Variants in USP31 observed in about 807,000 individuals in gnomAD.
The protein encoded by USP31 is ubiquitin specific peptidase 31.
Under a neutral mutation model 119.4 loss-of-function variants are expected in USP31, and 44 were observed. The ratio of observed to expected loss-of-function variants is 0.37; its 90% CI spans 0.29 to 0.47. The LOEUF (loss-of-function observed/expected upper bound fraction) is 0.47. USP31 is among the 20% of genes least tolerant of loss of function. The pLI is 0.99. For synonymous variants in USP31, 749 were observed against 705.6 expected (o/e 1.06, Z -0.97); for missense variants, 1,643 against 1,730.2 (o/e 0.95, Z 0.89).
At position 23,069,026 on chromosome 16, in the gene USP31, G is replaced by GC; in HGVS notation, c.3078_3079insG (p.Pro1027AlafsTer8). 1.9e-6 allele frequency: 3 copies of GC among 1,613,536 alleles called. No individual in the cohort carries two copies. Among genetic ancestry groups the GC allele is most frequent in the Non-Finnish European group, 2.5e-6 (3 of 1,180,036 alleles). On this transcript the variant is annotated frameshift_variant, in exon 16 of 16. Transcript: ENST00000219689. LOFTEE classifies it high-confidence loss of function. ...GGCTCAGAAGTGCCTTTGGAACTGG[G>GC]GGATCTCTTAGTTGTGCTCTCTGGT...
chr16:23,121,528 G>T (rs950222305), intron 1 of USP31, among the ~76,000 whole-genome samples: 1 of 152,202 alleles, frequency 6.6e-6, no homozygotes, highest in African/African-American at 2.4e-5. Context: ...TTATGTGGAT[G>T]CTAAATGGAT....
At chr16:23,123,387 A>G (rs923690006) in intron 1 of USP31, among the ~76,000 whole-genome samples, 4 of 151,936 alleles carry the variant, frequency 2.6e-5, no homozygotes, top group Non-Finnish European at 4.4e-5. Flanking sequence ...AAAATACAAA[A>G]ATCAGCCAGG....
In USP31 at chr16:23,065,569, C is replaced by T. The variant is rs1900032470; in HGVS notation, c.*2477G>A. On this transcript the variant is annotated 3_prime_UTR_variant, in exon 16 of 16. Transcript: ENST00000219689. ...ATAGCTTCATGATGTCTAGACAATGCCATGATACTTCCTGATTTTTTCTAT... is the reference window on the plus strand; with the variant it reads ...ATAGCTTCATGATGTCTAGACAATGTCATGATACTTCCTGATTTTTTCTAT... 1 of 152,526 alleles carries T rather than the reference C, an allele frequency of 6.6e-6. No homozygotes were observed. The highest frequency in any genetic ancestry group is 2.4e-5 in the African/African-American group (1 of 41,418). The allele number at this position is 152,526 out of a possible 1,614,324, so 9.4% of individuals were successfully genotyped here.
At chr16:23,095,345 C>T (rs1473898036) in intron 6 of USP31, among the ~76,000 whole-genome samples, 2 of 152,092 alleles carry the variant, frequency 1.3e-5, no homozygotes, top group South Asian at 2.1e-4. Flanking sequence ...TATGGGGCTA[C>T]GTGAAAAGAC....
In USP31 at chr16:23,088,649, C is replaced by G. The variant is rs545611734; in HGVS notation, c.1416-814G>C. On this transcript the variant is annotated intron_variant, in intron 7 of 15. Coordinates refer to ENST00000219689, the MANE Select transcript of USP31 (RefSeq NM_020718.4). ...CCCTCCCCACCCTTCTGAGTCTAGG[C>G]TGTCTCCTACTCACTCATGTGAAGA... Among the ~76,000 whole-genome samples the G allele has an allele frequency of 3.9e-5, 6 of 152,324 alleles. No individual in the cohort carries two copies. In the South Asian group the frequency reaches 6.2e-4, roughly 16 times the overall value.
At chr16:23,120,085 G>A (rs1211580048) in intron 1 of USP31, among the ~76,000 whole-genome samples, 1 of 151,978 alleles carries the variant, frequency 6.6e-6, no homozygotes, top group Non-Finnish European at 1.5e-5. Flanking sequence ...TCTTCTTTTT[G>A]GACTCTTTCT....
chr16:23,101,556 T>A (rs1211355800), intron 6 of USP31, among the ~76,000 whole-genome samples: 1 of 152,150 alleles, frequency 6.6e-6, no homozygotes, highest in Non-Finnish European at 1.5e-5. Context: ...CACGATCACC[T>A]ACCTAAAGGG....
chr16:23,068,425 G>C lies in USP31; in HGVS notation c.3680C>G (p.Ser1227Cys). Residue 1227 changes from serine (S) to cysteine (C), a missense_variant, in exon 16 of 16, where the codon TCC (serine) becomes TGC (cysteine). Ser to Cys is a moderately radical substitution (Grantham distance 112, BLOSUM62 -1). This residue lies in a region of USP31 where 699 missense variants were observed against 650.9 expected (regional missense o/e 1.07). Transcript: ENST00000219689. The part of the protein sequence containing the change: ...RDSKSEDKGL[S>C]FFKSALRQKE... ...CTGTCTCAAGGCTGATTTGAAGAAG[G>C]ACAGCCCCTTGTCCTCAGACTTGCT... is the stretch of plus-strand genomic sequence containing the variant. 1 of 1,613,728 alleles carries C rather than the reference G, an allele frequency of 6.2e-7. No homozygotes were observed. Among genetic ancestry groups the C allele is most frequent in the Non-Finnish European group, 8.5e-7 (1 of 1,180,038 alleles).
At chr16:23,128,010 G>C (rs553025381) in intron 1 of USP31, among the ~76,000 whole-genome samples, 2 of 152,160 alleles carry the variant, frequency 1.3e-5, no homozygotes, top group Non-Finnish European at 2.9e-5. Flanking sequence ...AGGCAAATGA[G>C]AATTTACGCT....
intron 6 of USP31, among the ~76,000 whole-genome samples, chr16:23,095,559 G>C (rs951322416): frequency 6.6e-6 from 1 of 152,120 alleles, no homozygotes; most frequent in Admixed American, 6.6e-5. Context: ...GATTCACCAA[G>C]GTTGAAATGA....
intron 1 of USP31, among the ~76,000 whole-genome samples, chr16:23,114,470 G>C (rs28416485): frequency 5.4e-4 from 77 of 142,126 alleles, no homozygotes; most frequent in African/African-American, 1.8e-3. Flanking sequence ...AAAAAAAAAA[G>C]AAAGTTTCAA....
intron 5 of USP31, 107 bp downstream of exon 5, chr16:23,105,334 T>G (rs1902051219): frequency 7.4e-7 from 1 of 1,343,894 alleles, no homozygotes; most frequent in Non-Finnish European, 9.7e-7. Flanking sequence ...CAACTGGTTT[T>G]AAATCTCTAT....
intron 13 of USP31, 84 bp downstream of exon 13, chr16:23,079,862 G>A (rs1466719759): frequency 2.3e-6 from 3 of 1,295,224 alleles, no homozygotes; most frequent in Non-Finnish European, 3.1e-6. Flanking sequence ...GGGAAATGAG[G>A]CTCTAAAGTC....
intron 1 of USP31, among the ~76,000 whole-genome samples, chr16:23,119,665 T>C (rs12448885): frequency 0.27 from 41,570 of 152,190 alleles, 6,120 homozygotes; most frequent in Admixed American, 0.34. Flanking sequence ...TTGCAATTTG[T>C]ATTTCTTCCT....
chr16:23,100,934 G>C (rs575335513), intron 6 of USP31, among the ~76,000 whole-genome samples: 1 of 152,108 alleles, frequency 6.6e-6, no homozygotes, highest in Non-Finnish European at 1.5e-5. Flanking sequence ...AGAGTAACCT[G>C]AAAGAGAAGA....
chr16:23,149,046 G>A lies in USP31; in HGVS notation c.225C>T (p.Leu75=), dbSNP rs375777091. 6.5e-4 allele frequency: 813 copies of A among 1,246,000 alleles called. 3 individuals carry two copies. The African/African-American group carries it at 0.011, about 17-fold the overall frequency. The allele number at this position is 1,246,000 out of a possible 1,614,324, so 77.2% of individuals were successfully genotyped here. A position where few individuals can be genotyped will look rare whatever the true frequency, so the allele number is the denominator to read the frequency against. Residue 75 remains leucine (L), a synonymous_variant, in exon 1 of 16, where the codon CTC becomes CTT. Transcript: ENST00000219689. The part of the protein sequence containing the change: ...MSRVLKTLST[L]SHLSSEGAAP... ...CGGCGCCCTCAGAGCTAAGGTGCGA[G>A]AGCGTGGACAGCGTCTTGAGAACGC...
intron 1 of USP31, among the ~76,000 whole-genome samples, chr16:23,109,384 C>T (rs1424673317): frequency 6.6e-6 from 1 of 152,040 alleles, no homozygotes; most frequent in Non-Finnish European, 1.5e-5. Flanking sequence ...AAAGCTGGAA[C>T]AATCTGATCA....
chr16:23,067,932 C>A lies in USP31; in HGVS notation c.*114G>T. On this transcript the variant is annotated 3_prime_UTR_variant, in exon 16 of 16. Coordinates refer to ENST00000219689, the MANE Select transcript of USP31 (RefSeq NM_020718.4). ...ATACACTCACACACACACACACAGTCGGGCACGTGACTCAAAAAAGTACAA... is the reference window on the plus strand; with the variant it reads ...ATACACTCACACACACACACACAGTAGGGCACGTGACTCAAAAAAGTACAA... The A allele has an allele frequency of 1.5e-6, 2 of 1,304,018 alleles. No individual in the cohort carries two copies. The highest frequency in any genetic ancestry group is 2.1e-6 in the Non-Finnish European group (2 of 958,872). 80.8% of individuals were successfully genotyped at this position (1,304,018 alleles called of 1,614,324 possible).
At position 23,069,627 on chromosome 16, in the gene USP31, T is replaced by A. The variant is rs1379166989; in HGVS notation, c.2489-11A>T. 12 of 1,589,374 alleles carry A rather than the reference T, an allele frequency of 7.6e-6. No homozygotes were observed. Among genetic ancestry groups the A allele is most frequent in the Non-Finnish European group, 9.4e-6 (11 of 1,165,028 alleles). ...GAGTTGAAAAGCCTCCTGAACACAG[T>A]AAAGAGAATACTGTTAAGTTAAGCC... On this transcript the variant is annotated splice_polypyrimidine_tract_variant and intron_variant, in intron 15 of 15. Coordinates refer to ENST00000219689, the MANE Select transcript of USP31 (RefSeq NM_020718.4).
Sources: gnomAD v4.1 joint callset for allele counts (sites outside exome capture counted in the v4.1 genomes callset) on GRCh38, gnomAD v4.1.1 for gene constraint, gnomAD v4.1.1 regional missense constraint, MANE v1.5 for transcripts, NCBI Gene and HGNC (gene_info 2026-07-23, HGNC 2026-07-21) for gene names.